MARCHF1: variants seen among roughly 807,000 people sequenced by gnomAD.
MARCHF1 encodes E3 ubiquitin-protein ligase MARCHF1.
In MARCHF1, 40 loss-of-function variants were observed where a neutral mutation model predicts 54.2. The observed-to-expected ratio is 0.74, with a 90% CI of 0.57 to 0.96. The LOEUF (loss-of-function observed/expected upper bound fraction) is 0.96. MARCHF1 is among the 40% of genes least tolerant of loss of function. The pLI is 0.00. For missense variants in MARCHF1, 586 were observed against 656.5 expected, an observed-to-expected ratio of 0.89 and a Z score of 1.17; for synonymous variants, 236 against 236.3, an observed-to-expected ratio of 1.00 and a Z score of 0.01.
intron 5 of MARCHF1, among the ~76,000 whole-genome samples, chr4:163,676,185 CA>C (rs869219643): frequency 0.059 from 5,286 of 89,238 alleles, 101 homozygotes; most frequent in African/African-American, 0.066. Context: ...ACTAAAAATA[CA>C]AAAAAAAAAA....
intron 5 of MARCHF1, among the ~76,000 whole-genome samples, chr4:163,697,332 T>C (rs1055955740): frequency 6.6e-6 from 1 of 152,184 alleles, no homozygotes; most frequent in African/African-American, 2.4e-5. Context: ...GCACTACTTA[T>C]GGAATCTAAG....
chr4:164,323,597 CAAAAAA>C (rs70952622), intron 1 of MARCHF1, among the ~76,000 whole-genome samples: 19 of 30,942 alleles, frequency 6.1e-4, no homozygotes, highest in African/African-American at 2.5e-3. Context: ...GGATGAGTAG[CAAAAAA>C]AAAAAAAAAA....
intron 8 of MARCHF1, among the ~76,000 whole-genome samples, chr4:163,546,615 A>G (rs561776040): frequency 8.5e-5 from 13 of 152,360 alleles, no homozygotes; most frequent in African/African-American, 3.1e-4. Context: ...CAACTATTAT[A>G]GAAAAACAAA....
intron 1 of MARCHF1, among the ~76,000 whole-genome samples, chr4:164,326,241 T>TG (rs1355697843): frequency 6.6e-6 from 1 of 152,162 alleles, no homozygotes; most frequent in Non-Finnish European, 1.5e-5. Context: ...AAATGCAATG[T>TG]AAAAGCAGCA....
chr4:163,718,979 C>A (rs536352680), intron 4 of MARCHF1, among the ~76,000 whole-genome samples: 1 of 152,138 alleles, frequency 6.6e-6, no homozygotes, highest in Non-Finnish European at 1.5e-5. Flanking sequence ...TGCCACATGT[C>A]CAACTCTATA....
chr4:164,132,730 AT>A (rs1411241070), intron 1 of MARCHF1, among the ~76,000 whole-genome samples: 2 of 152,106 alleles, frequency 1.3e-5, no homozygotes, highest in African/African-American at 4.8e-5. Context: ...CTCCAGTTTT[AT>A]CATTCCATAT....
At chr4:163,599,297 T>TTATATATATATATA (rs150458467) in intron 7 of MARCHF1, among the ~76,000 whole-genome samples, 1,697 of 146,696 alleles carry the variant, frequency 0.012, 30 homozygotes, top group South Asian at 0.035. Flanking sequence ...CTCAAAAAAA[T>TTATATATATATATA]TATATATATA....
At chr4:164,147,672 T>C (rs1454103745) in intron 1 of MARCHF1, among the ~76,000 whole-genome samples, 2 of 79,102 alleles carry the variant, frequency 2.5e-5, no homozygotes, top group Middle Eastern at 7.4e-3. Flanking sequence ...GGGCCTGTTA[T>C]GGGGTGGGGG....
intron 3 of MARCHF1, among the ~76,000 whole-genome samples, chr4:163,934,913 C>A (rs2110733025): frequency 1.3e-5 from 2 of 152,194 alleles, no homozygotes; most frequent in Non-Finnish European, 2.9e-5. Flanking sequence ...AATGATGAAT[C>A]CTTTCCAGAG....
intron 3 of MARCHF1, among the ~76,000 whole-genome samples, chr4:163,915,806 C>G (rs1473293928): frequency 6.6e-6 from 1 of 152,134 alleles, no homozygotes; most frequent in Non-Finnish European, 1.5e-5. Flanking sequence ...AGTCTTGGGA[C>G]CCTTAAATAG....
At chr4:164,108,498 TATAAC>T (rs1324864249) in intron 2 of MARCHF1, among the ~76,000 whole-genome samples, 13 of 152,088 alleles carry the variant, frequency 8.5e-5, no homozygotes, top group African/African-American at 3.1e-4. Flanking sequence ...AGCAAAGACT[TATAAC>T]ATAGTCTGCA....
At chr4:164,028,867 G>C (rs1487347995) in intron 2 of MARCHF1, among the ~76,000 whole-genome samples, 1 of 152,152 alleles carries the variant, frequency 6.6e-6, no homozygotes, top group Non-Finnish European at 1.5e-5. Flanking sequence ...AGAAAGTGTT[G>C]TTGAGCAGCC....
chr4:164,157,434 C>A (rs948755259), intron 1 of MARCHF1, among the ~76,000 whole-genome samples: 3 of 152,164 alleles, frequency 2.0e-5, no homozygotes, highest in Non-Finnish European at 4.4e-5. Flanking sequence ...TGTTCAAAAA[C>A]TGTTCCTTAC....
At chr4:163,686,100 T>G (rs1008686803) in intron 5 of MARCHF1, among the ~76,000 whole-genome samples, 7 of 152,230 alleles carry the variant, frequency 4.6e-5, no homozygotes, top group African/African-American at 1.4e-4. Flanking sequence ...ACATAGTAAG[T>G]GCTTAATAAA....
intron 1 of MARCHF1, among the ~76,000 whole-genome samples, chr4:164,254,312 T>G (rs1471009656): frequency 1.0e-5 from 1 of 100,096 alleles, no homozygotes; most frequent in Non-Finnish European, 2.2e-5. Context: ...GAACTAATAG[T>G]ATACATATAT....
At chr4:163,552,284 G>C (rs1267490230) in intron 8 of MARCHF1, among the ~76,000 whole-genome samples, 1 of 152,188 alleles carries the variant, frequency 6.6e-6, no homozygotes, top group Non-Finnish European at 1.5e-5. Flanking sequence ...TGAGGAATGG[G>C]CCATGTGTCC....
intron 1 of MARCHF1, among the ~76,000 whole-genome samples, chr4:164,346,621 T>TCC: frequency 2.3e-4 from 1 of 4,444 alleles, no homozygotes; most frequent in African/African-American, 8.8e-4. Flanking sequence ...TATATATATA[T>TCC]ATATATATAT....
chr4:163,672,039 C>T (rs1285744500), intron 5 of MARCHF1, among the ~76,000 whole-genome samples: 2 of 151,994 alleles, frequency 1.3e-5, no homozygotes, highest in Non-Finnish European at 2.9e-5. Flanking sequence ...TTGTTTACTC[C>T]AGGGTTGTTT....
chr4:164,096,219 T>C (rs545363192), intron 2 of MARCHF1, among the ~76,000 whole-genome samples: 2 of 152,326 alleles, frequency 1.3e-5, no homozygotes, highest in Admixed American at 6.5e-5. Flanking sequence ...ATATATATTA[T>C]GGAATACTAT....
Sources: allele counts gnomAD v4.1 joint callset (sites outside exome capture counted in the v4.1 genomes callset), GRCh38; gene constraint gnomAD v4.1.1; transcripts MANE v1.5; gene names NCBI Gene and HGNC (gene_info 2026-07-23, HGNC 2026-07-21).